The following TRAK1 variants were observed in gnomAD, a reference collection of about 807,000 sequenced individuals.
The protein encoded by TRAK1 is trafficking kinesin-binding protein 1.
In TRAK1, 33 loss-of-function variants were observed where a neutral mutation model predicts 92.1. The ratio of observed to expected loss-of-function variants is 0.36; its 90% CI spans 0.27 to 0.48. The LOEUF is 0.48. Ranked by LOEUF, TRAK1 falls within the 20% of genes least tolerant of loss-of-function variation. TRAK1 has a pLI of 0.99. For synonymous variants in TRAK1, 521 were observed against 517.3 expected (o/e 1.01, Z -0.10); for missense variants, 1,123 against 1,257.9 (o/e 0.89, Z 1.62).
intron 1 of TRAK1, among the ~76,000 whole-genome samples, chr3:42,060,231 A>G (rs1021228406): frequency 3.3e-5 from 5 of 151,860 alleles, no homozygotes; most frequent in African/African-American, 7.3e-5. Context: ...GTAGTGTATC[A>G]GAAGGAATAG....
At chr3:42,211,789 A>G in intron 14 of TRAK1, 15 of 985,232 alleles carry the variant, frequency 1.5e-5, no homozygotes, top group African/African-American at 1.7e-5. Context: ...AAACACTGAC[A>G]TTTTTCTTGC....
chr3:42,066,697 G>A (rs1038036553), intron 1 of TRAK1, among the ~76,000 whole-genome samples: 1 of 152,104 alleles, frequency 6.6e-6, no homozygotes, highest in Non-Finnish European at 1.5e-5. Context: ...TTATGCATTG[G>A]CTTATCACAG....
At chr3:42,014,806 A>AT (rs5848616) in intron 1 of TRAK1, among the ~76,000 whole-genome samples, 105,752 of 147,224 alleles carry the variant, frequency 0.72, 40,017 homozygotes, top group Non-Finnish European at 0.84. Context: ...TGGACCGCTG[A>AT]TTTTTTTTTT....
At chr3:42,133,343 C>T (rs892663935) in intron 2 of TRAK1, among the ~76,000 whole-genome samples, 3 of 152,152 alleles carry the variant, frequency 2.0e-5, no homozygotes, top group African/African-American at 7.2e-5. Context: ...TCATGCCGCT[C>T]CCTCGCTACC....
At chr3:42,152,014 T>C (rs1260952106) in intron 2 of TRAK1, among the ~76,000 whole-genome samples, 2 of 152,366 alleles carry the variant, frequency 1.3e-5, no homozygotes, top group African/African-American at 4.8e-5. Context: ...GAAATGTATA[T>C]GGATGGGAAT....
At chr3:42,159,461 A>G (rs1207193153) in intron 2 of TRAK1, among the ~76,000 whole-genome samples, 1 of 152,168 alleles carries the variant, frequency 6.6e-6, no homozygotes, top group Non-Finnish European at 1.5e-5. Flanking sequence ...GGCAAAATCA[A>G]ATGGTATAGA....
chr3:42,224,266 T>C lies in TRAK1; in HGVS notation c.*529T>C. 3.0e-6 allele frequency: 1 copy of C among 331,630 alleles called. No individual in the cohort carries two copies. Among genetic ancestry groups the C allele is most frequent in the Middle Eastern group, 1.0e-3 (1 of 1,000 alleles). The allele number at this position is 331,630 out of a possible 1,614,324, so 20.5% of individuals were successfully genotyped here. A position where few individuals can be genotyped will look rare whatever the true frequency, so the allele number is the denominator to read the frequency against. ...ACGTGGCTTTCCTGATCGGAGGGCT[T>C]TTCTTTTATGGGTGGCCCAGCTTCT... On this transcript the variant is annotated 3_prime_UTR_variant, in exon 16 of 16. Transcript: ENST00000327628.
At chr3:42,164,673 A>T (rs950051130) in intron 2 of TRAK1, among the ~76,000 whole-genome samples, 1 of 152,190 alleles carries the variant, frequency 6.6e-6, no homozygotes, top group Non-Finnish European at 1.5e-5. Context: ...CTTGGCTCTC[A>T]CTGTCTTTCC....
chr3:42,107,809 T>C (rs1461509777), intron 1 of TRAK1, among the ~76,000 whole-genome samples: 1 of 151,946 alleles, frequency 6.6e-6, no homozygotes, highest in Non-Finnish European at 1.5e-5. Context: ...ATAGAATTTA[T>C]TTTTCTCTAA....
intron 1 of TRAK1, among the ~76,000 whole-genome samples, chr3:42,070,717 C>T (rs1559736485): frequency 6.6e-6 from 1 of 152,212 alleles, no homozygotes; most frequent in Non-Finnish European, 1.5e-5. Flanking sequence ...GCATGAGTCA[C>T]CATGCCCAGC....
At chr3:42,101,933 T>C (rs1316696472) in intron 1 of TRAK1, among the ~76,000 whole-genome samples, 2 of 152,174 alleles carry the variant, frequency 1.3e-5, no homozygotes, top group African/African-American at 4.8e-5. Context: ...TTTCAGGTCA[T>C]TGAAAATCCC....
chr3:42,193,745 C>A, intron 8 of TRAK1, 79 bp from the exon 9 acceptor site: 1 of 1,397,752 alleles, frequency 7.2e-7, no homozygotes, highest in Non-Finnish European at 1.0e-6. Flanking sequence ...GAGTTCATTA[C>A]AGATTAGGTT....
At chr3:42,065,530 T>C (rs1192428367) in intron 1 of TRAK1, among the ~76,000 whole-genome samples, 1 of 152,096 alleles carries the variant, frequency 6.6e-6, no homozygotes, top group Non-Finnish European at 1.5e-5. Context: ...GTGATTATGT[T>C]GCGTAAAGGC....
intron 14 of TRAK1, among the ~76,000 whole-genome samples, chr3:42,215,781 T>C (rs1389729729): frequency 2.0e-5 from 3 of 152,212 alleles, no homozygotes; most frequent in Non-Finnish European, 4.4e-5. Context: ...GTTTTTAAAA[T>C]AGCTTGGGTG....
rs768663209 is a variant in TRAK1, at chr3:42,223,641, C to G, written c.2766C>G (p.Thr922=). The G allele has an allele frequency of 6.2e-7, 1 of 1,614,122 alleles. No homozygotes were observed. The highest frequency in any genetic ancestry group is 1.3e-5 in the African/African-American group (1 of 75,026). Residue 922 remains threonine (T), a synonymous_variant, in exon 16 of 16, where the codon ACC becomes ACG. Transcript: ENST00000327628. The surrounding 1 kb of genome is among the most constrained non-coding windows in gnomAD (Gnocchi z 6.1). The part of the protein sequence containing the change: ...SGIRRNRSFP[T]MVGSSMQMKA... Reference sequence around the variant, plus strand: ...TCCGGCGGAATCGCAGCTTCCCCACCATGGTGGGATCTAGCATGCAGATGA... The same window carrying G: ...TCCGGCGGAATCGCAGCTTCCCCACGATGGTGGGATCTAGCATGCAGATGA...
At chr3:42,112,024 C>T (rs941137767) in intron 1 of TRAK1, among the ~76,000 whole-genome samples, 3 of 147,820 alleles carry the variant, frequency 2.0e-5, no homozygotes, top group Non-Finnish European at 4.5e-5. Flanking sequence ...TGTGTGTCTT[C>T]TCTGGTCAAA....
At chr3:42,145,222 C>T (rs866802679) in intron 2 of TRAK1, among the ~76,000 whole-genome samples, 18 of 152,198 alleles carry the variant, frequency 1.2e-4, no homozygotes, top group African/African-American at 4.1e-4. Context: ...TGGTGGCCCA[C>T]GCCTGTAATT....
chr3:42,153,402 A>G (rs1042130156), intron 2 of TRAK1, among the ~76,000 whole-genome samples: 2 of 152,130 alleles, frequency 1.3e-5, no homozygotes, highest in African/African-American at 4.8e-5. Flanking sequence ...GTCTTAAAAA[A>G]AATAAAAAAA....
intron 1 of TRAK1, among the ~76,000 whole-genome samples, chr3:42,123,115 G>A (rs570644582): frequency 6.6e-6 from 1 of 152,328 alleles, no homozygotes; most frequent in African/African-American, 2.4e-5. Context: ...AGCTGCGGGA[G>A]GGGTGGGTGC....
Sources: allele counts gnomAD v4.1 joint callset (sites outside exome capture counted in the v4.1 genomes callset), GRCh38; gene constraint gnomAD v4.1.1; non-coding constraint Gnocchi (gnomAD v3.1); transcripts MANE v1.5; gene names NCBI Gene and HGNC (gene_info 2026-07-23, HGNC 2026-07-21).